ARID4B: variants seen among roughly 807,000 people sequenced by gnomAD.
The protein encoded by ARID4B is AT-rich interactive domain-containing protein 4B.
In ARID4B, 26 loss-of-function variants were observed where a neutral mutation model predicts 147.5. The observed-to-expected ratio is 0.18, with a 90% CI of 0.13 to 0.24. The LOEUF is 0.24. Ranked by LOEUF, ARID4B falls within the 10% of genes least tolerant of loss-of-function variation. The probability of loss-of-function intolerance (pLI) is 1.00; values close to 1 mark genes in which losing one functional copy is unlikely to be tolerated. For missense variants in ARID4B, 1,179 were observed against 1,511.5 expected (o/e 0.78, Z 3.65); for synonymous variants, 512 against 507.9 (o/e 1.01, Z -0.11).
At chr1:235,207,948 G>A (rs1451218197) in intron 17 of ARID4B, among the ~76,000 whole-genome samples, 1 of 152,118 alleles carries the variant, frequency 6.6e-6, no homozygotes, top group South Asian at 2.1e-4. Context: ...ACATGCACTA[G>A]AACTGTTGTG....
intron 2 of ARID4B, among the ~76,000 whole-genome samples, chr1:235,278,511 A>G (rs1163336909): frequency 1.3e-5 from 2 of 152,310 alleles, no homozygotes; most frequent in Admixed American, 6.5e-5. Flanking sequence ...GAAAATGGTG[A>G]AGAGAGAATC....
intron 18 of ARID4B, among the ~76,000 whole-genome samples, chr1:235,195,136 T>C (rs375611863): frequency 1.3e-5 from 2 of 152,146 alleles, no homozygotes; most frequent in African/African-American, 4.8e-5. Flanking sequence ...GTAATTCTCC[T>C]AAGGATGGTA....
At chr1:235,327,639 G>A (rs1389400415) in intron 1 of ARID4B, 130 bp downstream of exon 1, 3 of 152,368 alleles carry the variant, frequency 2.0e-5, no homozygotes, top group African/African-American at 7.2e-5. Context: ...GGGTTCCCGG[G>A]AGGCCGAGGC....
At chr1:235,286,864 TAG>T (rs1367795645) in intron 2 of ARID4B, among the ~76,000 whole-genome samples, 1 of 152,162 alleles carries the variant, frequency 6.6e-6, no homozygotes, top group East Asian at 1.9e-4. Flanking sequence ...TACCATAATC[TAG>T]AATGAGATAC....
chr1:235,208,140 T>C (rs940581156), intron 17 of ARID4B, among the ~76,000 whole-genome samples: 16 of 152,228 alleles, frequency 1.1e-4, no homozygotes, highest in African/African-American at 3.4e-4. Context: ...TGATACACTA[T>C]TACAAAATAT....
chr1:235,296,680 G>A (rs541158404), intron 2 of ARID4B, among the ~76,000 whole-genome samples: 35 of 150,150 alleles, frequency 2.3e-4, no homozygotes, highest in African/African-American at 7.4e-4. Context: ...GGCTAGTCTC[G>A]AACTCCTGGG....
At chr1:235,312,564 A>G (rs1388952165) in intron 2 of ARID4B, among the ~76,000 whole-genome samples, 1 of 152,212 alleles carries the variant, frequency 6.6e-6, no homozygotes, top group Admixed American at 6.5e-5. Context: ...GTTTAGAAAA[A>G]TATTTCTCCA....
At chr1:235,193,901 AAAACTCTGGTAG>A (rs1665296539) in intron 19 of ARID4B, 100 bp downstream of exon 19, 1 of 757,082 alleles carries the variant, frequency 1.3e-6, no homozygotes, top group South Asian at 2.2e-5. Context: ...GAGAGCAAAC[AAAACTCTGGTAG>A]AAAAAACAGT....
chr1:235,224,743 C>T lies in ARID4B; in HGVS notation c.930G>A (p.Glu310=), dbSNP rs1182675948. 2 of 1,598,664 alleles carry T rather than the reference C, an allele frequency of 1.3e-6. No homozygotes were observed. Among genetic ancestry groups the T allele is most frequent in the Middle Eastern group, 1.7e-4 (1 of 6,054 alleles). ...EEIEPFPEER[E]NFLQQLYKFM... is the part of the protein sequence containing the mutation. ...ATTTGTACAATTGCTGAAGAAAGTT[C>T]TCCCTTTCTTCTGGAAATGGTTCTA... The change falls in exon 12 of 24, where the codon GAG becomes GAA. Residue 310 remains glutamate (E), a synonymous_variant. Coordinates refer to ENST00000264183, the MANE Select transcript of ARID4B (RefSeq NM_016374.6).
At chr1:235,207,687 T>C (rs1045219601) in intron 17 of ARID4B, among the ~76,000 whole-genome samples, 1 of 152,102 alleles carries the variant, frequency 6.6e-6, no homozygotes, top group Non-Finnish European at 1.5e-5. Context: ...TGGCACATAG[T>C]GGGTATTCAA....
chr1:235,308,186 G>A (rs1176858139), intron 2 of ARID4B, among the ~76,000 whole-genome samples: 3 of 136,614 alleles, frequency 2.2e-5, no homozygotes, highest in East Asian at 2.4e-4. Context: ...TGCAACCTCC[G>A]CCTCCCAGGT....
At chr1:235,220,873 A>G (rs1424349322) in intron 14 of ARID4B, among the ~76,000 whole-genome samples, 1 of 149,686 alleles carries the variant, frequency 6.7e-6, no homozygotes, top group Non-Finnish European at 1.5e-5. Flanking sequence ...TGGGGCACAC[A>G]GCAGCATCCT....
intron 2 of ARID4B, among the ~76,000 whole-genome samples, chr1:235,287,879 A>G (rs1474759237): frequency 6.6e-6 from 1 of 152,176 alleles, no homozygotes; most frequent in Non-Finnish European, 1.5e-5. Context: ...CTGTCTCCTT[A>G]TTTAGGGTAT....
chr1:235,318,930 A>G (rs980173365), intron 2 of ARID4B, among the ~76,000 whole-genome samples: 8 of 152,142 alleles, frequency 5.3e-5, no homozygotes, highest in Non-Finnish European at 7.4e-5. Context: ...AAGGGAGAAC[A>G]GTGAATGACT....
chr1:235,212,320 T>C (rs889930012), intron 17 of ARID4B, among the ~76,000 whole-genome samples: 1 of 152,148 alleles, frequency 6.6e-6, no homozygotes, highest in Non-Finnish European at 1.5e-5. Flanking sequence ...TGCAGTGTGT[T>C]AAAGTGGTAT....
chr1:235,245,734 C>T (rs1477030469), intron 7 of ARID4B, among the ~76,000 whole-genome samples: 1 of 151,984 alleles, frequency 6.6e-6, no homozygotes, highest in Non-Finnish European at 1.5e-5. Flanking sequence ...TGTTGATTAT[C>T]TAGTACTTAT....
chr1:235,269,902 T>C (rs1670862940), intron 2 of ARID4B, among the ~76,000 whole-genome samples: 1 of 152,218 alleles, frequency 6.6e-6, no homozygotes, highest in Admixed American at 6.5e-5. Context: ...TTATATTATT[T>C]ACCCATCTTT....
intron 15 of ARID4B, 58 bp downstream of exon 15, chr1:235,220,244 A>C: frequency 6.8e-7 from 1 of 1,467,198 alleles, no homozygotes; most frequent in South Asian, 1.4e-5. Flanking sequence ...GGAACTTTAT[A>C]GAGGATATGG....
At chr1:235,215,547 A>ATGTGTGTGTGTG (rs370429662) in intron 16 of ARID4B, among the ~76,000 whole-genome samples, 8,637 of 135,888 alleles carry the variant, frequency 0.064, 340 homozygotes, top group Non-Finnish European at 0.095. Flanking sequence ...ACACATATAT[A>ATGTGTGTGTGTG]TGTGTGTGTG....
Sources: gnomAD v4.1 joint callset for allele counts (sites outside exome capture counted in the v4.1 genomes callset) on GRCh38, gnomAD v4.1.1 for gene constraint, MANE v1.5 for transcripts, NCBI Gene and HGNC (gene_info 2026-07-23, HGNC 2026-07-21) for gene names.